Variants in KIAA1328 observed in about 807,000 individuals in gnomAD.
KIAA1328 encodes the protein protein hinderin.
A neutral mutation model predicts 68.1 loss-of-function variants in KIAA1328; 52 were observed. The ratio of observed to expected loss-of-function variants is 0.76; its 90% confidence interval spans 0.61 to 0.96. The LOEUF (loss-of-function observed/expected upper bound fraction) is 0.96. Among genes scored for constraint, KIAA1328 ranks in the 40% least tolerant of loss-of-function variants. The pLI, the probability that KIAA1328 is intolerant of heterozygous loss-of-function variation, is 0.00. For synonymous variants in KIAA1328, 232 were observed against 239.4 expected, an observed-to-expected ratio of 0.97 and a Z score of 0.28; for missense variants, 641 against 677.6, an observed-to-expected ratio of 0.95 and a Z score of 0.60.
At chr18:37,120,128 G>T (rs185386259) in intron 7 of KIAA1328, among the ~76,000 whole-genome samples, 3 of 152,134 alleles carry the variant, frequency 2.0e-5, no homozygotes, top group Admixed American at 2.0e-4. Flanking sequence ...AAAACCAAAG[G>T]TGTAAAGACA....
At chr18:37,180,530 AACTT>A (rs762701680) in intron 9 of KIAA1328, among the ~76,000 whole-genome samples, 21 of 152,160 alleles carry the variant, frequency 1.4e-4, no homozygotes, top group Non-Finnish European at 2.8e-4. Context: ...GATAGAAAGA[AACTT>A]AGTTACACAG....
chr18:37,195,686 T>G (rs1428842500), intron 9 of KIAA1328, among the ~76,000 whole-genome samples: 1 of 152,236 alleles, frequency 6.6e-6, no homozygotes, highest in Admixed American at 6.5e-5. Flanking sequence ...CCATGCTGTT[T>G]TGGTAACTAT....
chr18:37,148,293 G>A (rs2058950067), intron 7 of KIAA1328, among the ~76,000 whole-genome samples: 1 of 152,122 alleles, frequency 6.6e-6, no homozygotes, highest in Non-Finnish European at 1.5e-5. Flanking sequence ...CTGTGTCCCT[G>A]AAAGGACATG....
intron 7 of KIAA1328, among the ~76,000 whole-genome samples, chr18:37,081,136 C>T (rs2056937021): frequency 3.9e-5 from 6 of 152,010 alleles, no homozygotes; most frequent in Admixed American, 3.9e-4. Context: ...CACGCACCAC[C>T]ACACCAGGCT....
chr18:37,098,258 A>G (rs2057477122), intron 7 of KIAA1328, among the ~76,000 whole-genome samples: 1 of 152,202 alleles, frequency 6.6e-6, no homozygotes, highest in Admixed American at 6.5e-5. Context: ...ATCAATACCT[A>G]ATTTATTGAG....
chr18:37,091,336 C>T (rs2057261513), intron 7 of KIAA1328, among the ~76,000 whole-genome samples: 1 of 152,166 alleles, frequency 6.6e-6, no homozygotes, highest in African/African-American at 2.4e-5. Flanking sequence ...GATCAGCTCA[C>T]ACCAGGAAGA....
chr18:36,993,784 T>C (rs1478531733), intron 6 of KIAA1328, among the ~76,000 whole-genome samples: 1 of 151,856 alleles, frequency 6.6e-6, no homozygotes, highest in Non-Finnish European at 1.5e-5. Flanking sequence ...ATATTTAAAG[T>C]TTTGGGGGTA....
At chr18:36,833,590 A>G (rs566994118) in intron 1 of KIAA1328, among the ~76,000 whole-genome samples, 4 of 152,336 alleles carry the variant, frequency 2.6e-5, no homozygotes, top group Non-Finnish European at 4.4e-5. Flanking sequence ...GTGTGAAAAA[A>G]TAGGCTGTTA....
intron 7 of KIAA1328, among the ~76,000 whole-genome samples, chr18:37,127,527 AG>A (rs2058421939): frequency 6.6e-6 from 1 of 152,136 alleles, no homozygotes; most frequent in African/African-American, 2.4e-5. Flanking sequence ...TGGGCAATGT[AG>A]GGGGACCCTA....
Position 36,916,250 on chromosome 18 carries a change from A to T in KIAA1328, c.448+30578A>T, listed in dbSNP as rs1000688032. Among the ~76,000 whole-genome samples the T allele has an allele frequency of 2.0e-5, 3 of 151,972 alleles. No individual in the cohort carries two copies. In the East Asian group the frequency reaches 5.8e-4, roughly 29 times the overall value. The stretch of plus-strand genomic sequence containing the variant: ...GCTAATATTGTTGCAAAATTCATTG[A>T]ATCTGTTTATTTTTAAAATCCTTTG... On this transcript the variant is annotated intron_variant, in intron 5 of 9. Coordinates refer to ENST00000280020, the MANE Select transcript of KIAA1328 (RefSeq NM_020776.3).
At chr18:36,830,294 A>G (rs1213087004) in intron 1 of KIAA1328, among the ~76,000 whole-genome samples, 1 of 152,202 alleles carries the variant, frequency 6.6e-6, no homozygotes, top group Non-Finnish European at 1.5e-5. Context: ...CATAATTACC[A>G]TTTGTCTCTG....
At chr18:37,062,119 T>C (rs1261562149) in intron 6 of KIAA1328, among the ~76,000 whole-genome samples, 4 of 152,224 alleles carry the variant, frequency 2.6e-5, no homozygotes, top group Admixed American at 2.6e-4. Context: ...ATCTTTTGTA[T>C]GAAGGAGAAA....
chr18:36,929,545 G>A (rs558425635), intron 5 of KIAA1328, among the ~76,000 whole-genome samples: 37 of 152,078 alleles, frequency 2.4e-4, no homozygotes, highest in African/African-American at 8.2e-4. Flanking sequence ...TTTTGTCCCT[G>A]GTCATAGGTA....
intron 6 of KIAA1328, among the ~76,000 whole-genome samples, chr18:37,049,053 T>A (rs1390078960): frequency 6.6e-6 from 1 of 152,246 alleles, no homozygotes; most frequent in African/African-American, 2.4e-5. Flanking sequence ...CATTATTTAT[T>A]GTGCATTGTG....
chr18:36,854,745 C>T (rs539263093), intron 4 of KIAA1328, among the ~76,000 whole-genome samples: 32 of 152,206 alleles, frequency 2.1e-4, no homozygotes, highest in African/African-American at 7.5e-4. Context: ...TGTTGTGCAA[C>T]CACAATCTTT....
chr18:36,990,637 C>T (rs2053137454), intron 6 of KIAA1328, among the ~76,000 whole-genome samples: 1 of 151,906 alleles, frequency 6.6e-6, no homozygotes, highest in Non-Finnish European at 1.5e-5. Flanking sequence ...CACCACTGCA[C>T]TCCAGCCTGG....
chr18:37,179,567 C>T (rs895166957), intron 9 of KIAA1328, among the ~76,000 whole-genome samples: 1 of 152,168 alleles, frequency 6.6e-6, no homozygotes, highest in Non-Finnish European at 1.5e-5. Flanking sequence ...TGTTTAAACA[C>T]AGCTGACTAG....
intron 7 of KIAA1328, among the ~76,000 whole-genome samples, chr18:37,149,143 C>G (rs2058972104): frequency 6.6e-6 from 1 of 152,074 alleles, no homozygotes; most frequent in Admixed American, 6.6e-5. Context: ...AAGAACAAAG[C>G]TGGAGGTATC....
At chr18:37,122,066 G>T (rs555633841) in intron 7 of KIAA1328, among the ~76,000 whole-genome samples, 23 of 152,186 alleles carry the variant, frequency 1.5e-4, no homozygotes, top group African/African-American at 5.3e-4. Context: ...GACATGACAT[G>T]AAGCTAAAAT....
Sources: allele counts gnomAD v4.1 joint callset (sites outside exome capture counted in the v4.1 genomes callset), GRCh38; gene constraint gnomAD v4.1.1; transcripts MANE v1.5; gene names NCBI Gene and HGNC (gene_info 2026-07-23, HGNC 2026-07-21).